SYNGR1: variants seen among roughly 807,000 people sequenced by gnomAD.
The protein encoded by SYNGR1 is synaptogyrin-1.
In SYNGR1, 14 loss-of-function variants were observed where a neutral mutation model predicts 26.1. That is an observed-to-expected ratio of 0.54 (90% CI 0.35 to 0.84). SYNGR1 has a LOEUF of 0.84. Ranked by LOEUF, SYNGR1 falls within the 40% of genes least tolerant of loss-of-function variation. The probability of loss-of-function intolerance (pLI) is 0.01; values close to 1 mark genes in which losing one functional copy is unlikely to be tolerated. For missense variants in SYNGR1, 319 were observed against 332.9 expected (o/e 0.96, Z 0.33); for synonymous variants, 141 against 150.1 (o/e 0.94, Z 0.44).
Position 39,381,955 on chromosome 22 carries a change from C to T in SYNGR1, c.*41C>T. The T allele has an allele frequency of 6.4e-7, 1 of 1,552,662 alleles. No individual in the cohort carries two copies. ...TGCCCCCGCCCCTCCCCATCTGTCC[C>T]CTCTCTCCACACCCAGCCCCTGCTC... On this transcript the variant is annotated 3_prime_UTR_variant, in exon 4 of 4. Transcript: ENST00000328933.
intron 1 of SYNGR1, among the ~76,000 whole-genome samples, chr22:39,365,987 T>A (rs1924734675): frequency 7.1e-6 from 1 of 140,984 alleles, no homozygotes; most frequent in South Asian, 2.4e-4. Flanking sequence ...CTCAGCCCCT[T>A]CTTTTTTTTT....
intron 1 of SYNGR1, among the ~76,000 whole-genome samples, chr22:39,355,587 G>A (rs1346257901): frequency 6.6e-6 from 1 of 152,248 alleles, no homozygotes; most frequent in Non-Finnish European, 1.5e-5. Flanking sequence ...TCAAGAGCCT[G>A]AGAAAGCCTA....
chr22:39,367,222 A>G (rs1924802378), intron 1 of SYNGR1, among the ~76,000 whole-genome samples: 1 of 152,216 alleles, frequency 6.6e-6, no homozygotes, highest in Non-Finnish European at 1.5e-5. Flanking sequence ...GGGCTGGTAC[A>G]TACTAGGTGC....
At chr22:39,353,335 C>T (rs1924002648) in intron 1 of SYNGR1, among the ~76,000 whole-genome samples, 1 of 152,140 alleles carries the variant, frequency 6.6e-6, no homozygotes, top group Non-Finnish European at 1.5e-5. Flanking sequence ...GCCTCCAAGA[C>T]CTGGCTTGTC....
intron 1 of SYNGR1, among the ~76,000 whole-genome samples, chr22:39,370,824 T>C (rs181627700): frequency 3.9e-4 from 60 of 152,096 alleles, no homozygotes; most frequent in African/African-American, 1.4e-3. Flanking sequence ...TTTCACCGTG[T>C]TGGCCAGGCT....
Position 39,384,918 on chromosome 22 carries a change from C to T in SYNGR1, c.*3004C>T. The T allele has an allele frequency of 5.0e-6, 2 of 398,900 alleles. No individual in the cohort carries two copies. The highest frequency in any genetic ancestry group is 8.8e-6 in the Non-Finnish European group (2 of 226,118). 24.7% of individuals were successfully genotyped at this position (398,900 alleles called of 1,614,324 possible). A position where few individuals can be genotyped will look rare whatever the true frequency, so the allele number is the denominator to read the frequency against. ...AGGTCTTCTGCCTTCTGAGTTGGCTCATCCTGGGCAGTCACAGACTGTCCT... is the reference window on the plus strand; with the variant it reads ...AGGTCTTCTGCCTTCTGAGTTGGCTTATCCTGGGCAGTCACAGACTGTCCT... On this transcript the variant is annotated 3_prime_UTR_variant, in exon 4 of 4. Transcript: ENST00000328933.
rs191435281 is a variant in SYNGR1, at chr22:39,372,431, C to T, written c.100-1885C>T. 2.8e-3 allele frequency among the ~76,000 whole-genome samples: 402 copies of T among 144,416 alleles called. 6 individuals carry two copies. The highest frequency in any genetic ancestry group is 9.9e-3 in the African/African-American group (381 of 38,300). 94.7% of individuals were successfully genotyped at this position (144,416 alleles called of 152,430 possible). Reference sequence around the variant, plus strand: ...TAGGCATGAGCCACCATGCACCACGCCCAGCTCTTTTTTTTTTTTTTTTTT... The same window carrying T: ...TAGGCATGAGCCACCATGCACCACGTCCAGCTCTTTTTTTTTTTTTTTTTT... On this transcript the variant is annotated intron_variant, in intron 1 of 3. Coordinates refer to ENST00000328933, the MANE Select transcript of SYNGR1 (RefSeq NM_004711.5).
At chr22:39,374,843 A>C in intron 2 of SYNGR1, 3 of 487,396 alleles carry the variant, frequency 6.2e-6, no homozygotes, top group Non-Finnish European at 7.6e-6. Context: ...GCCAGCCCCC[A>C]TGGGTTGGCC....
intron 1 of SYNGR1, among the ~76,000 whole-genome samples, chr22:39,368,988 AGAGGACCAATCT>A (rs1220131229): frequency 4.6e-5 from 7 of 152,212 alleles, no homozygotes; most frequent in Admixed American, 1.3e-4. Flanking sequence ...TAATTTTTAC[AGAGGACCAATCT>A]GAGGCTCGGA....
rs114841477 is a variant in SYNGR1 at position 39,379,362 on chromosome 22, G to A, written c.484-2334G>A. Among the ~76,000 whole-genome samples the A allele has an allele frequency of 9.3e-3, 1,420 of 152,348 alleles. 23 individuals are homozygous for A. Among genetic ancestry groups the A allele is most frequent in the African/African-American group, 0.032 (1,343 of 41,590 alleles). On this transcript the variant is annotated intron_variant, in intron 3 of 3. Transcript: ENST00000328933. ...AAAAGGTAATGCCCTAGCTGGGCAT[G>A]GTGGCTCATGCCTGTGATCCCAGCA...
chr22:39,371,782 G>A (rs116606994), intron 1 of SYNGR1, among the ~76,000 whole-genome samples: 6,231 of 152,142 alleles, frequency 0.041, 434 homozygotes, highest in African/African-American at 0.14. Context: ...ACCATGCCCA[G>A]CCAAAAAGCG....
At chr22:39,374,893 A>G (rs535287376) in intron 2 of SYNGR1, 8 of 400,424 alleles carry the variant, frequency 2.0e-5, no homozygotes, top group Non-Finnish European at 3.8e-5. Context: ...TCCCTGGGGC[A>G]GCCTCATGAG....
chr22:39,355,087 C>T (rs1000520819), intron 1 of SYNGR1, among the ~76,000 whole-genome samples: 1 of 152,196 alleles, frequency 6.6e-6, no homozygotes, highest in Admixed American at 6.5e-5. Context: ...CCCCAAGGCA[C>T]TCTCGCTCCA....
At chr22:39,374,041 C>G (rs1161096860) in intron 1 of SYNGR1, among the ~76,000 whole-genome samples, 1 of 152,124 alleles carries the variant, frequency 6.6e-6, no homozygotes, top group Non-Finnish European at 1.5e-5. Context: ...ACCTTTAGGA[C>G]CTGGCTGAGG....
At chr22:39,372,765 G>A (rs1036094678) in intron 1 of SYNGR1, among the ~76,000 whole-genome samples, 2 of 152,120 alleles carry the variant, frequency 1.3e-5, no homozygotes, top group African/African-American at 4.8e-5. Flanking sequence ...CACTGTGCCT[G>A]GCCTGGGTGG....
Position 39,384,389 on chromosome 22 carries a change from G to T in SYNGR1, c.*2475G>T, listed in dbSNP as rs545513775. The T allele has an allele frequency of 1.5e-3, 587 of 397,642 alleles. No individual in the cohort carries two copies. The highest frequency in any genetic ancestry group is 1.9e-3 in the Non-Finnish European group (429 of 225,888). 24.6% of individuals were successfully genotyped at this position (397,642 alleles called of 1,614,324 possible). ...AAGACTCCTGCCAGGAATGGGGGGTGCTGAGTCATCTCACGAAGAATCCCT... is the reference window on the plus strand; with the variant it reads ...AAGACTCCTGCCAGGAATGGGGGGTTCTGAGTCATCTCACGAAGAATCCCT... On this transcript the variant is annotated 3_prime_UTR_variant, in exon 4 of 4. Coordinates refer to ENST00000328933, the MANE Select transcript of SYNGR1 (RefSeq NM_004711.5).
intron 2 of SYNGR1, chr22:39,374,794 C>G (rs941829896): frequency 1.0e-5 from 6 of 579,798 alleles, no homozygotes; most frequent in Admixed American, 6.0e-5. Context: ...ATTCTAGTTC[C>G]TTCTAGTCTA....
At position 39,383,661 on chromosome 22, in the gene SYNGR1, C is replaced by A. The variant is rs1220918416; in HGVS notation, c.*1747C>A. Reference sequence around the variant, plus strand: ...TAAGAATCCTAAGAGGCAGGCGATCCCTCACCTGCTTACTCACTCAGCAGT... The same window carrying A: ...TAAGAATCCTAAGAGGCAGGCGATCACTCACCTGCTTACTCACTCAGCAGT... On this transcript the variant is annotated 3_prime_UTR_variant, in exon 4 of 4. Transcript: ENST00000328933. The A allele has an allele frequency of 6.6e-6, 1 of 152,476 alleles. No individual in the cohort carries two copies. The highest frequency in any genetic ancestry group is 1.5e-5 in the Non-Finnish European group (1 of 68,176). The allele number at this position is 152,476 out of a possible 1,614,324, so 9.4% of individuals were successfully genotyped here.
At chr22:39,358,912 C>G (rs955882026) in intron 1 of SYNGR1, among the ~76,000 whole-genome samples, 61 of 152,370 alleles carry the variant, frequency 4.0e-4, no homozygotes, top group African/African-American at 1.4e-3. Flanking sequence ...GGAGCAGGGG[C>G]CAGGTGAAGG....
Sources: gnomAD v4.1 joint callset for allele counts (sites outside exome capture counted in the v4.1 genomes callset) on GRCh38, gnomAD v4.1.1 for gene constraint, MANE v1.5 for transcripts, NCBI Gene and HGNC (gene_info 2026-07-23, HGNC 2026-07-21) for gene names.